The following GYPE variants were observed in gnomAD, a reference collection of about 807,000 sequenced individuals.
GYPE encodes glycophorin E (MNS blood group).
GYPE carries 8 observed loss-of-function variants against 11.6 expected under a neutral mutation model. The observed-to-expected ratio is 0.69, with a 90% CI of 0.41 to 1.25. GYPE has a LOEUF of 1.25. Among genes scored for constraint, GYPE ranks in the 50% most tolerant of loss-of-function variants. The pLI is 0.01. For synonymous variants in GYPE, 28 were observed against 29.6 expected (o/e 0.94, Z 0.18); for missense variants, 90 against 92.8 (o/e 0.97, Z 0.12).
chr4:143,874,846 G>A (rs973664293), intron 3 of GYPE, among the ~76,000 whole-genome samples: 1 of 152,090 alleles, frequency 6.6e-6, no homozygotes, highest in African/African-American at 2.4e-5. Flanking sequence ...TGAAAGTCAG[G>A]CCCTTCTCTA....
chr4:143,876,094 GTTTAT>G (rs1204339788), intron 3 of GYPE, among the ~76,000 whole-genome samples: 6 of 152,004 alleles, frequency 3.9e-5, no homozygotes, highest in Non-Finnish European at 7.4e-5. Context: ...AAGGCAAAAG[GTTTAT>G]TTTGTTTATT....
chr4:143,876,689 C>A (rs1401436516), intron 3 of GYPE, 57 bp downstream of exon 3: 3 of 834,572 alleles, frequency 3.6e-6, no homozygotes, highest in African/African-American at 3.4e-5. Context: ...GAGGAATAAA[C>A]CCTCCGAGAG....
At chr4:143,900,762 T>C (rs549267647) in intron 1 of GYPE, among the ~76,000 whole-genome samples, 8 of 152,302 alleles carry the variant, frequency 5.3e-5, no homozygotes, top group African/African-American at 1.9e-4. Context: ...ATTCCATTTA[T>C]ATGAAATATC....
intron 1 of GYPE, among the ~76,000 whole-genome samples, chr4:143,894,771 C>A (rs943243456): frequency 4.6e-5 from 7 of 152,072 alleles, no homozygotes; most frequent in African/African-American, 1.7e-4. Flanking sequence ...TCCTGGCAAA[C>A]CGAATCCAGC....
At chr4:143,905,404 A>G in intron 1 of GYPE, 67 bp downstream of exon 1, 1 of 1,608,250 alleles carries the variant, frequency 6.2e-7, no homozygotes, top group Non-Finnish European at 8.5e-7. Context: ...AAAATAGGGT[A>G]GTTTACATTT....
chr4:143,881,074 A>G (rs550545230), intron 1 of GYPE, among the ~76,000 whole-genome samples: 94 of 152,116 alleles, frequency 6.2e-4, no homozygotes, highest in Non-Finnish European at 9.4e-4. Flanking sequence ...TTCAATAAAA[A>G]TGGAAACAAT....
At chr4:143,896,432 G>T (rs1242195481) in intron 1 of GYPE, among the ~76,000 whole-genome samples, 2 of 152,160 alleles carry the variant, frequency 1.3e-5, no homozygotes, top group African/African-American at 4.8e-5. Context: ...GGCCATCAGA[G>T]AAATGCAAAT....
chr4:143,896,709 T>C (rs1459038816), intron 1 of GYPE, among the ~76,000 whole-genome samples: 4 of 152,172 alleles, frequency 2.6e-5, no homozygotes. Flanking sequence ...CATGCACATG[T>C]ATGTTTATTG....
intron 1 of GYPE, among the ~76,000 whole-genome samples, chr4:143,893,521 C>T (rs1744495659): frequency 6.6e-6 from 1 of 151,878 alleles, no homozygotes; most frequent in South Asian, 2.1e-4. Flanking sequence ...GACAAAATCT[C>T]TCAGCATTTG....
intron 1 of GYPE, among the ~76,000 whole-genome samples, chr4:143,893,833 A>G (rs1744510475): frequency 6.6e-6 from 1 of 151,824 alleles, no homozygotes; most frequent in Non-Finnish European, 1.5e-5. Flanking sequence ...CGTTCTCTGT[A>G]TTTCCTGAAT....
In GYPE at chr4:143,871,795, TAAGGGAAAGGGAATTG is replaced by T. The variant is rs1481942698; in HGVS notation, c.*451_*466del. 6.6e-6 allele frequency: 1 copy of T among 152,128 alleles called. No individual in the cohort carries two copies. Among genetic ancestry groups the T allele is most frequent in the African/African-American group, 2.4e-5 (1 of 41,414 alleles). The allele number at this position is 152,128 out of a possible 1,614,324, so 9.4% of individuals were successfully genotyped here. A position where few individuals can be genotyped will look rare whatever the true frequency, so the allele number is the denominator to read the frequency against. On this transcript the variant is annotated 3_prime_UTR_variant, in exon 4 of 4. Coordinates refer to ENST00000358615, the MANE Select transcript of GYPE (RefSeq NM_198682.3). ...GCATTTTGCCAATATAGCCCTATCC[TAAGGGAAAGGGAATTG>T]TGGTTGGACAACCGAGTTCTGAGAA...
At chr4:143,894,453 G>A (rs1744547297) in intron 1 of GYPE, among the ~76,000 whole-genome samples, 1 of 151,574 alleles carries the variant, frequency 6.6e-6, no homozygotes, top group South Asian at 2.1e-4. Flanking sequence ...ATCTACTTTT[G>A]GTCTTTGATG....
At position 143,880,501 on chromosome 4, in the gene GYPE, TCA is replaced by T; in HGVS notation, c.44_45del (p.Val15GlufsTer36). The stretch of plus-strand genomic sequence containing the variant: ...CCAGTGGTACTTGATGCTGATATGC[TCA>T]CAATTCCTGTATAAAATAGAAGTTG... ...IIFVLLLSGI[V>X]SISASSTTGV... On this transcript the variant is annotated frameshift_variant, in exon 2 of 4. Transcript: ENST00000358615. LOFTEE classifies it high-confidence loss of function. 1 of 1,613,976 alleles carries T rather than the reference TCA, an allele frequency of 6.2e-7. No individual in the cohort carries two copies.
At chr4:143,872,863 A>G (rs566820076) in intron 3 of GYPE, among the ~76,000 whole-genome samples, 1 of 111,734 alleles carries the variant, frequency 8.9e-6, no homozygotes, top group African/African-American at 4.2e-5. Context: ...ACCAAATGAC[A>G]GGAGAGAGTG....
At chr4:143,881,932 A>T (rs1744035778) in intron 1 of GYPE, among the ~76,000 whole-genome samples, 1 of 152,168 alleles carries the variant, frequency 6.6e-6, no homozygotes, top group Non-Finnish European at 1.5e-5. Context: ...GCACACAAAC[A>T]ACAGAAAACA....
intron 2 of GYPE, among the ~76,000 whole-genome samples, chr4:143,879,830 A>G (rs1437727466): frequency 3.3e-5 from 5 of 152,166 alleles, no homozygotes; most frequent in Non-Finnish European, 5.9e-5. Flanking sequence ...TTCTCCCCTG[A>G]AAACTAACAA....
At chr4:143,903,010 T>C (rs1744924571) in intron 1 of GYPE, among the ~76,000 whole-genome samples, 1 of 152,076 alleles carries the variant, frequency 6.6e-6, no homozygotes, top group South Asian at 2.1e-4. Context: ...GAATTTTTGC[T>C]CTTGCTCTTC....
intron 1 of GYPE, among the ~76,000 whole-genome samples, chr4:143,900,568 G>A (rs1744821476): frequency 6.9e-6 from 1 of 144,356 alleles, no homozygotes; most frequent in Admixed American, 7.2e-5. Flanking sequence ...TAAGCAAAAT[G>A]TGATATATCA....
At chr4:143,901,920 C>G (rs1744881849) in intron 1 of GYPE, among the ~76,000 whole-genome samples, 2 of 152,022 alleles carry the variant, frequency 1.3e-5, no homozygotes, top group African/African-American at 2.4e-5. Context: ...GTGTCTGTTT[C>G]TCTCTAAAAA....
Sources: gnomAD v4.1 joint callset for allele counts (sites outside exome capture counted in the v4.1 genomes callset) on GRCh38, gnomAD v4.1.1 for gene constraint, MANE v1.5 for transcripts, NCBI Gene and HGNC (gene_info 2026-07-23, HGNC 2026-07-21) for gene names.